PKD2: variants seen among roughly 807,000 people sequenced by gnomAD.
PKD2 encodes polycystin-2.
Under a neutral mutation model 105.9 loss-of-function variants are expected in PKD2, and 48 were observed. That is an observed-to-expected ratio of 0.45 (90% confidence interval 0.36 to 0.58). PKD2 has a LOEUF of 0.58. PKD2 is among the 20% of genes least tolerant of loss of function. PKD2 has a pLI of 0.00. For missense variants in PKD2, 1,078 were observed against 1,255.3 expected, an observed-to-expected ratio of 0.86 and a Z score of 2.13; for synonymous variants, 464 against 481.1, an observed-to-expected ratio of 0.96 and a Z score of 0.46.
At chr4:88,015,516 G>T (rs533486885) in intron 1 of PKD2, among the ~76,000 whole-genome samples, 5 of 152,082 alleles carry the variant, frequency 3.3e-5, no homozygotes, top group African/African-American at 1.2e-4. Flanking sequence ...GGGTTCAAGC[G>T]ATTCTCCTGC....
intron 2 of PKD2, among the ~76,000 whole-genome samples, chr4:88,032,214 G>A (rs1157588432): frequency 6.6e-6 from 1 of 151,818 alleles, no homozygotes; most frequent in Non-Finnish European, 1.5e-5. Context: ...TTATCCTAGT[G>A]ATTTGAAATT....
intron 2 of PKD2, chr4:88,036,006 C>A: frequency 1.5e-6 from 1 of 668,150 alleles, no homozygotes; most frequent in Non-Finnish European, 2.6e-6. Context: ...TCCCATAAGC[C>A]AATATTAATA....
At chr4:88,062,430 G>A (rs1317452921) in intron 10 of PKD2, among the ~76,000 whole-genome samples, 7 of 152,162 alleles carry the variant, frequency 4.6e-5, no homozygotes, top group Non-Finnish European at 1.0e-4. Context: ...AAAACACTTA[G>A]TAGTTCACCC....
At chr4:88,035,241 C>A (rs1727292205) in intron 2 of PKD2, among the ~76,000 whole-genome samples, 2 of 152,168 alleles carry the variant, frequency 1.3e-5, no homozygotes. Flanking sequence ...CTTCCCGCCT[C>A]CTTCCAAGAC....
intron 13 of PKD2, among the ~76,000 whole-genome samples, chr4:88,074,299 G>A (rs1324584520): frequency 6.6e-6 from 1 of 152,040 alleles, no homozygotes; most frequent in Non-Finnish European, 1.5e-5. Context: ...ACAGGCACAT[G>A]CCACCATGCC....
intron 2 of PKD2, among the ~76,000 whole-genome samples, chr4:88,028,337 C>A (rs1351467743): frequency 6.6e-6 from 1 of 152,240 alleles, no homozygotes; most frequent in Non-Finnish European, 1.5e-5. Flanking sequence ...GTTAATCTCA[C>A]AGCAGCTGCA....
intron 2 of PKD2, among the ~76,000 whole-genome samples, chr4:88,033,003 T>C (rs1727213295): frequency 6.6e-6 from 1 of 152,162 alleles, no homozygotes; most frequent in Admixed American, 6.5e-5. Flanking sequence ...TCAGGAGTCT[T>C]TTAGCTGCCA....
intron 3 of PKD2, 135 bp from the exon 4 acceptor site, chr4:88,038,116 T>C (rs1727406525): frequency 1.0e-6 from 1 of 967,060 alleles, no homozygotes. Flanking sequence ...CAAATCTCTC[T>C]GACAACAAAA....
chr4:88,012,999 C>A (rs1726439461), intron 1 of PKD2, among the ~76,000 whole-genome samples: 1 of 152,124 alleles, frequency 6.6e-6, no homozygotes, highest in Admixed American at 6.5e-5. Flanking sequence ...CACATATATA[C>A]ACACACACCA....
Position 88,036,304 on chromosome 4 carries a change from C to T in PKD2, c.794C>T (p.Thr265Met), listed in dbSNP as rs569250922. ...QLFLDTPVSK[T>M]EKTNFKTLSS... ...TTCCTAGACACCCCCGTGTCCAAAACGGAGAAAACTAACTTTAAAACTCTG... is the reference window on the plus strand; with the variant it reads ...TTCCTAGACACCCCCGTGTCCAAAATGGAGAAAACTAACTTTAAAACTCTG... The change falls in exon 3 of 15, where the codon ACG becomes ATG. Residue 265 changes from threonine to methionine, a missense_variant. Thr to Met is a moderately conservative substitution (Grantham distance 81). Coordinates refer to ENST00000237596, the MANE Select transcript of PKD2 (RefSeq NM_000297.4). 23 of 1,613,988 alleles carry T rather than the reference C, an allele frequency of 1.4e-5. No homozygotes were observed. The highest frequency in any genetic ancestry group is 4.0e-5 in the African/African-American group (3 of 75,018).
chr4:88,022,655 A>G (rs1054302028), intron 2 of PKD2, among the ~76,000 whole-genome samples: 19 of 152,358 alleles, frequency 1.2e-4, no homozygotes, highest in African/African-American at 4.1e-4. Flanking sequence ...CTTGCCAGCA[A>G]TGTCAATATC....
intron 13 of PKD2, among the ~76,000 whole-genome samples, chr4:88,074,383 A>C (rs1219183812): frequency 6.6e-6 from 1 of 152,066 alleles, no homozygotes; most frequent in African/African-American, 2.4e-5. Flanking sequence ...AGCGATCTGC[A>C]CACTTCCGCC....
At chr4:88,024,064 T>C (rs1308939525) in intron 2 of PKD2, among the ~76,000 whole-genome samples, 3 of 152,210 alleles carry the variant, frequency 2.0e-5, no homozygotes, top group African/African-American at 4.8e-5. Context: ...AAAGCACTTA[T>C]TAATATACAT....
At chr4:88,040,678 C>CA (rs1428189947) in intron 4 of PKD2, among the ~76,000 whole-genome samples, 11 of 152,194 alleles carry the variant, frequency 7.2e-5, no homozygotes, top group African/African-American at 2.7e-4. Flanking sequence ...GAACAAATCT[C>CA]AGTTTTTATC....
Position 88,043,601 on chromosome 4 carries a change from A to T in PKD2, c.1319+144A>T, listed in dbSNP as rs528407564. The T allele has an allele frequency of 8.0e-6, 5 of 627,284 alleles. No homozygotes were observed. In the South Asian group the frequency reaches 9.7e-5, roughly 12 times the overall value. 38.9% of individuals were successfully genotyped at this position (627,284 alleles called of 1,614,324 possible). A position where few individuals can be genotyped will look rare whatever the true frequency, so the allele number is the denominator to read the frequency against. ...GACGGATAGCAAGGGAGGGGTAAAA[A>T]CTGAAGGCTTACCGAAATAAAGGAT... On this transcript the variant is annotated intron_variant, in intron 5 of 14. Coordinates refer to ENST00000237596, the MANE Select transcript of PKD2 (RefSeq NM_000297.4).
intron 13 of PKD2, among the ~76,000 whole-genome samples, chr4:88,073,362 T>C (rs1041018936): frequency 6.6e-6 from 1 of 151,204 alleles, no homozygotes; most frequent in African/African-American, 2.4e-5. Flanking sequence ...CCATCTCTAC[T>C]AAAAAATAGA....
In PKD2 at chr4:88,043,525, G is replaced by C. The variant is rs543672402; in HGVS notation, c.1319+68G>C. The C allele has an allele frequency of 9.1e-6, 11 of 1,202,196 alleles. No homozygotes were observed. The African/African-American group carries it at 1.3e-4, about 15-fold the overall frequency. 74.5% of individuals were successfully genotyped at this position (1,202,196 alleles called of 1,614,324 possible). A position where few individuals can be genotyped will look rare whatever the true frequency, so the allele number is the denominator to read the frequency against. On this transcript the variant is annotated intron_variant, in intron 5 of 14. Coordinates refer to ENST00000237596, the MANE Select transcript of PKD2 (RefSeq NM_000297.4). ...GTACATACATCCTATTCTGGGGTTA[G>C]CCAGAAAAACCTTTGCCTGCAGTTA...
In PKD2 at chr4:88,038,338, T is replaced by C. The variant is rs781017452; in HGVS notation, c.931T>C (p.Tyr311His). The change falls in exon 4 of 15, where the codon TAT becomes CAT. Residue 311 changes from tyrosine (Y) to histidine (H), a missense_variant. Around this residue, in one of 2 missense-constraint regions of PKD2, gnomAD observed 868 missense variants for 1,067.3 expected, o/e 0.81. Coordinates refer to ENST00000237596, the MANE Select transcript of PKD2 (RefSeq NM_000297.4). ...TEADNRSFIF[Y>H]ENLLLGVPRI... Reference sequence around the variant, plus strand: ...AGCTGACAACCGAAGTTTCATCTTCTATGAGAACCTGCTGTTAGGGGTTCC... The same window carrying C: ...AGCTGACAACCGAAGTTTCATCTTCCATGAGAACCTGCTGTTAGGGGTTCC... The C allele has an allele frequency of 6.2e-7, 1 of 1,614,038 alleles. No individual in the cohort carries two copies. The highest frequency in any genetic ancestry group is 8.5e-7 in the Non-Finnish European group (1 of 1,179,894).
Position 88,065,251 on chromosome 4 carries a change from C to T in PKD2, c.2119-123C>T, listed in dbSNP as rs918729097. ...ACATTAATTCTTCATTCATCCAGCA[C>T]GTACTTGTTGAATGGCCAATGTACA... On this transcript the variant is annotated intron_variant, in intron 10 of 14. Coordinates refer to ENST00000237596, the MANE Select transcript of PKD2 (RefSeq NM_000297.4). 64 of 828,144 alleles carry T rather than the reference C, an allele frequency of 7.7e-5. 1 individual carries two copies. The highest frequency in any genetic ancestry group is 1.2e-4 in the Non-Finnish European group (59 of 473,936). 51.3% of individuals were successfully genotyped at this position (828,144 alleles called of 1,614,324 possible). A position where few individuals can be genotyped will look rare whatever the true frequency, so the allele number is the denominator to read the frequency against.
Sources: gnomAD v4.1 joint callset for allele counts (sites outside exome capture counted in the v4.1 genomes callset) on GRCh38, gnomAD v4.1.1 for gene constraint, gnomAD v4.1.1 regional missense constraint, MANE v1.5 for transcripts, NCBI Gene and HGNC (gene_info 2026-07-23, HGNC 2026-07-21) for gene names.